The following RUNX2 variants were observed in gnomAD, a reference collection of about 807,000 sequenced individuals.
RUNX2 encodes the protein runt-related transcription factor 2.
In RUNX2, 10 loss-of-function variants were observed where a neutral mutation model predicts 51.7. The ratio of observed to expected loss-of-function variants is 0.19; its 90% CI spans 0.12 to 0.33. The LOEUF (loss-of-function observed/expected upper bound fraction) is 0.33. Ranked by LOEUF, RUNX2 falls within the 10% of genes least tolerant of loss-of-function variation. The probability of loss-of-function intolerance (pLI) is 1.00; values close to 1 mark genes in which losing one functional copy is unlikely to be tolerated. For synonymous variants in RUNX2, 276 were observed against 273.6 expected (o/e 1.01, Z -0.09); for missense variants, 562 against 691.3 (o/e 0.81, Z 2.10).
At chr6:45,434,806 A>C (rs749624916) in intron 4 of RUNX2, among the ~76,000 whole-genome samples, 6 of 152,226 alleles carry the variant, frequency 3.9e-5, no homozygotes, top group Admixed American at 1.3e-4. Context: ...ACATTTTAAA[A>C]TAACAGGCTG....
chr6:45,370,601 G>A (rs1008813490), intron 2 of RUNX2, among the ~76,000 whole-genome samples: 1 of 152,074 alleles, frequency 6.6e-6, no homozygotes, highest in African/African-American at 2.4e-5. Context: ...AATCTCATAA[G>A]TTCAGTTTCT....
chr6:45,529,799 C>T (rs941787864), intron 7 of RUNX2, among the ~76,000 whole-genome samples: 2 of 152,268 alleles, frequency 1.3e-5, no homozygotes, highest in East Asian at 3.9e-4. Context: ...CGTGCTTTCT[C>T]CCCATGAGCC....
chr6:45,364,918 A>T (rs577510034), intron 2 of RUNX2, among the ~76,000 whole-genome samples: 2 of 152,268 alleles, frequency 1.3e-5, no homozygotes, highest in South Asian at 4.1e-4. Context: ...CATAACACAG[A>T]CTCAGGCAAA....
chr6:45,422,990 G>A (rs747290417), intron 3 of RUNX2, 33 bp downstream of exon 3: 32 of 1,598,818 alleles, frequency 2.0e-5, no homozygotes, highest in Non-Finnish European at 2.5e-5. Flanking sequence ...GCCCCCGGCC[G>A]GGAGCGGCGG....
At chr6:45,392,464 A>G (rs1337617718) in intron 2 of RUNX2, among the ~76,000 whole-genome samples, 4 of 152,184 alleles carry the variant, frequency 2.6e-5, no homozygotes, top group Admixed American at 2.0e-4. Context: ...TCACACCACT[A>G]TACTCCAGCC....
At chr6:45,409,635 A>G (rs1797908136) in intron 2 of RUNX2, among the ~76,000 whole-genome samples, 1 of 152,232 alleles carries the variant, frequency 6.6e-6, no homozygotes, top group Non-Finnish European at 1.5e-5. Context: ...GAAAGTTCCC[A>G]TTGAGCCACA....
chr6:45,456,429 G>A (rs1799320997), intron 5 of RUNX2, among the ~76,000 whole-genome samples: 1 of 152,092 alleles, frequency 6.6e-6, no homozygotes, highest in Non-Finnish European at 1.5e-5. Context: ...AAACATTACA[G>A]CCCACTGCAT....
chr6:45,498,813 C>G (rs1286339836), intron 6 of RUNX2, among the ~76,000 whole-genome samples: 1 of 152,156 alleles, frequency 6.6e-6, no homozygotes, highest in Non-Finnish European at 1.5e-5. Flanking sequence ...GTGCTTGTCC[C>G]GAAACATTTA....
rs758226180 is a variant in RUNX2 at position 45,393,927 on chromosome 6, C to CTTTT, written c.59-28655_59-28652dup. 2.6e-3 allele frequency among the ~76,000 whole-genome samples: 360 copies of CTTTT among 139,806 alleles called. 1 individual carries two copies. Among genetic ancestry groups the CTTTT allele is most frequent in the African/African-American group, 8.6e-3 (328 of 38,322 alleles). 91.7% of individuals were successfully genotyped at this position (139,806 alleles called of 152,430 possible). On this transcript the variant is annotated intron_variant, in intron 2 of 8. Transcript: ENST00000647337. ...GGGGTTGGGTAGGGGGTGCCACTTTCTTTTTTTTTTTTTTGAGACCGAGTC... is the reference window on the plus strand; with the variant it reads ...GGGGTTGGGTAGGGGGTGCCACTTTCTTTTTTTTTTTTTTTTTTGAGACCGAGTC...
At chr6:45,468,415 A>G (rs1283329529) in intron 5 of RUNX2, among the ~76,000 whole-genome samples, 1 of 152,256 alleles carries the variant, frequency 6.6e-6, no homozygotes, top group Non-Finnish European at 1.5e-5. Flanking sequence ...CAGCTTCTTG[A>G]ACATGTGTAA....
At chr6:45,414,610 A>G (rs572178329) in intron 2 of RUNX2, among the ~76,000 whole-genome samples, 5 of 152,276 alleles carry the variant, frequency 3.3e-5, no homozygotes, top group Admixed American at 1.3e-4. Context: ...TTATTTTATC[A>G]TAGAGTCACA....
chr6:45,367,563 A>G (rs1262686581), intron 2 of RUNX2, among the ~76,000 whole-genome samples: 1 of 152,148 alleles, frequency 6.6e-6, no homozygotes, highest in Non-Finnish European at 1.5e-5. Context: ...AGGAGCCTGG[A>G]TTTCTCAAAG....
chr6:45,517,395 C>T (rs191539840), intron 7 of RUNX2, among the ~76,000 whole-genome samples: 2 of 152,154 alleles, frequency 1.3e-5, no homozygotes, highest in East Asian at 1.9e-4. Flanking sequence ...GGGCTGGTCT[C>T]GAACTCCTGG....
intron 7 of RUNX2, among the ~76,000 whole-genome samples, chr6:45,531,315 G>T (rs1201307387): frequency 6.6e-6 from 1 of 152,086 alleles, no homozygotes; most frequent in African/African-American, 2.4e-5. Flanking sequence ...CAAAATTCAT[G>T]GTTTGATGCA....
intron 2 of RUNX2, among the ~76,000 whole-genome samples, chr6:45,359,907 T>C (rs1266550219): frequency 1.3e-5 from 2 of 152,148 alleles, no homozygotes; most frequent in African/African-American, 2.4e-5. Context: ...CAGCCAGGTG[T>C]GGTGGCTCAC....
intron 7 of RUNX2, among the ~76,000 whole-genome samples, chr6:45,522,139 T>A (rs1458918065): frequency 2.0e-5 from 3 of 152,246 alleles, no homozygotes; most frequent in Admixed American, 2.0e-4. Flanking sequence ...TTCATTCATT[T>A]CAGTCATTTC....
At chr6:45,429,379 G>A (rs534091500) in intron 3 of RUNX2, among the ~76,000 whole-genome samples, 244 of 152,152 alleles carry the variant, frequency 1.6e-3, no homozygotes, top group Non-Finnish European at 2.6e-3. Context: ...GAATCCTGGC[G>A]AATGTAGTCA....
At chr6:45,497,188 G>A (rs548393888) in intron 6 of RUNX2, among the ~76,000 whole-genome samples, 6 of 152,318 alleles carry the variant, frequency 3.9e-5, no homozygotes, top group African/African-American at 7.2e-5. Flanking sequence ...AGGTTGCAGC[G>A]TTCCCTTTCA....
intron 6 of RUNX2, among the ~76,000 whole-genome samples, chr6:45,496,271 C>G (rs1002571835): frequency 1.3e-5 from 2 of 152,030 alleles, no homozygotes; most frequent in Non-Finnish European, 2.9e-5. Flanking sequence ...ACATTCATCT[C>G]GCTTTTAGGG....
Sources: gnomAD v4.1 joint callset for allele counts (sites outside exome capture counted in the v4.1 genomes callset) on GRCh38, gnomAD v4.1.1 for gene constraint, MANE v1.5 for transcripts, NCBI Gene and HGNC (gene_info 2026-07-23, HGNC 2026-07-21) for gene names.